KCNT2: variants seen among roughly 807,000 people sequenced by gnomAD.
KCNT2 encodes potassium channel subfamily T member 2.
In KCNT2, 67 loss-of-function variants were observed where a neutral mutation model predicts 153.8. The observed-to-expected ratio is 0.44, with a 90% CI of 0.36 to 0.53. The LOEUF (loss-of-function observed/expected upper bound fraction) is 0.53. KCNT2 is among the 20% of genes least tolerant of loss of function. The pLI is 0.00. For synonymous variants in KCNT2, 500 were observed against 458.8 expected (o/e 1.09, Z -1.15); for missense variants, 975 against 1,354.8 (o/e 0.72, Z 4.40).
intron 1 of KCNT2, among the ~76,000 whole-genome samples, chr1:196,510,644 C>T (rs913868574): frequency 2.6e-5 from 4 of 152,168 alleles, no homozygotes; most frequent in African/African-American, 4.8e-5. Context: ...AAGACTTTAT[C>T]ATGTGTTAAG....
At chr1:196,333,567 C>T (rs1417588269) in intron 17 of KCNT2, among the ~76,000 whole-genome samples, 1 of 151,886 alleles carries the variant, frequency 6.6e-6, no homozygotes, top group Non-Finnish European at 1.5e-5. Context: ...ATCTTGGGAA[C>T]ACTGATTTTT....
At chr1:196,476,134 A>C (rs1242505534) in intron 5 of KCNT2, among the ~76,000 whole-genome samples, 1 of 152,194 alleles carries the variant, frequency 6.6e-6, no homozygotes, top group Non-Finnish European at 1.5e-5. Flanking sequence ...TTAATTTCAT[A>C]TTACATTTTA....
intron 14 of KCNT2, 64 bp downstream of exon 14, chr1:196,373,076 C>T: frequency 1.3e-6 from 1 of 776,688 alleles, no homozygotes; most frequent in Non-Finnish European, 2.2e-6. Flanking sequence ...TTTTAAATCA[C>T]ATAACTGCCC....
chr1:196,233,860 T>C (rs1189505622), intron 27 of KCNT2, among the ~76,000 whole-genome samples: 3 of 151,390 alleles, frequency 2.0e-5, no homozygotes, highest in Non-Finnish European at 4.4e-5. Flanking sequence ...ATAATTGATC[T>C]CATGGAGATA....
intron 14 of KCNT2, among the ~76,000 whole-genome samples, chr1:196,362,251 A>G (rs12067586): frequency 0.039 from 5,915 of 152,116 alleles, 164 homozygotes; most frequent in South Asian, 0.073. Flanking sequence ...TTAAAGGGAA[A>G]CAAAGTCTTC....
At chr1:196,342,337 G>A (rs1665721740) in intron 14 of KCNT2, 109 bp from the exon 15 acceptor site, 2 of 848,040 alleles carry the variant, frequency 2.4e-6, no homozygotes, top group South Asian at 2.4e-5. Flanking sequence ...GAACTGGCAA[G>A]CACAATCCAA....
chr1:196,406,916 A>T (rs1249871497), intron 12 of KCNT2, among the ~76,000 whole-genome samples: 1 of 151,438 alleles, frequency 6.6e-6, no homozygotes, highest in African/African-American at 2.4e-5. Context: ...ATCTTACCAG[A>T]AATTTTGGGA....
intron 8 of KCNT2, among the ~76,000 whole-genome samples, chr1:196,452,891 G>C (rs572674300): frequency 3.9e-5 from 6 of 151,908 alleles, no homozygotes; most frequent in African/African-American, 1.4e-4. Context: ...ACATTATGGA[G>C]GGCAGTCTGC....
chr1:196,508,343 G>C (rs867579504), intron 1 of KCNT2, among the ~76,000 whole-genome samples: 1 of 151,786 alleles, frequency 6.6e-6, no homozygotes, highest in Non-Finnish European at 1.5e-5. Context: ...CCTTTGAACA[G>C]TGAAAGTATA....
At chr1:196,266,059 T>C (rs1657512353) in intron 25 of KCNT2, among the ~76,000 whole-genome samples, 1 of 152,096 alleles carries the variant, frequency 6.6e-6, no homozygotes, top group Admixed American at 6.5e-5. Context: ...AGCAGAAAAC[T>C]GGATACACAG....
intron 1 of KCNT2, among the ~76,000 whole-genome samples, chr1:196,599,098 T>C (rs944265182): frequency 2.6e-5 from 4 of 152,198 alleles, no homozygotes; most frequent in Non-Finnish European, 5.9e-5. Context: ...CACTCCTTAA[T>C]GGAACCTGTG....
intron 14 of KCNT2, among the ~76,000 whole-genome samples, chr1:196,363,562 T>G (rs898144693): frequency 6.6e-6 from 1 of 152,148 alleles, no homozygotes; most frequent in Non-Finnish European, 1.5e-5. Context: ...TATTAGTTCA[T>G]AGGGCTCTGC....
chr1:196,241,338 A>G (rs1654943022), intron 26 of KCNT2, among the ~76,000 whole-genome samples: 1 of 152,014 alleles, frequency 6.6e-6, no homozygotes, highest in South Asian at 2.1e-4. Flanking sequence ...GAACTTATAT[A>G]CACATTATGT....
At chr1:196,340,838 T>C (rs1161423431) in intron 15 of KCNT2, among the ~76,000 whole-genome samples, 1 of 151,910 alleles carries the variant, frequency 6.6e-6, no homozygotes, top group Non-Finnish European at 1.5e-5. Context: ...GGTAACATTA[T>C]TTTGCGAATT....
At chr1:196,426,545 T>C (rs1673670920) in intron 10 of KCNT2, among the ~76,000 whole-genome samples, 1 of 151,940 alleles carries the variant, frequency 6.6e-6, no homozygotes, top group African/African-American at 2.4e-5. Context: ...TTACAAAATA[T>C]ATGGTCCTTT....
chr1:196,551,103 C>G (rs539753746), intron 1 of KCNT2, among the ~76,000 whole-genome samples: 1 of 151,760 alleles, frequency 6.6e-6, no homozygotes, highest in Admixed American at 6.6e-5. Context: ...ATGAGTGAAG[C>G]TCAGAAGTTC....
chr1:196,429,816 T>A, intron 8 of KCNT2, 59 bp from the exon 9 acceptor site: 2 of 1,224,118 alleles, frequency 1.6e-6, no homozygotes, highest in Non-Finnish European at 1.1e-6. Context: ...TAATTTCTCA[T>A]CATTATTCTT....
rs554472403 is a variant in KCNT2, at chr1:196,418,470, G to GAAC, written c.1185+4577_1185+4579dup. On this transcript the variant is annotated intron_variant, in intron 12 of 27. Coordinates refer to ENST00000294725, the MANE Select transcript of KCNT2 (RefSeq NM_198503.5). ...AAGAAAAGCAAAACTCAAGTCTCAA[G>GAAC]AACAACAACAACAACAACAAAAACA... Among the ~76,000 whole-genome samples the GAAC allele has an allele frequency of 8.9e-3, 1,356 of 151,820 alleles. 9 individuals carry two copies. The highest frequency in any genetic ancestry group is 0.014 in the Non-Finnish European group (984 of 67,894).
chr1:196,462,599 G>GA (rs987218879), intron 8 of KCNT2, among the ~76,000 whole-genome samples: 74 of 145,846 alleles, frequency 5.1e-4, no homozygotes, highest in South Asian at 3.0e-3. Flanking sequence ...ATTTGAAATG[G>GA]AAAAAAAAAA....
Sources: gnomAD v4.1 joint callset for allele counts (sites outside exome capture counted in the v4.1 genomes callset) on GRCh38, gnomAD v4.1.1 for gene constraint, MANE v1.5 for transcripts, NCBI Gene and HGNC (gene_info 2026-07-23, HGNC 2026-07-21) for gene names.